Variants in CTSD observed in about 807,000 individuals in gnomAD.
CTSD encodes ceroid-lipofuscinosis, neuronal 10.
A neutral mutation model predicts 43.6 loss-of-function variants in CTSD; 28 were observed. That is an observed-to-expected ratio of 0.64 (90% CI 0.48 to 0.88). The LOEUF is 0.88. Among genes scored for constraint, CTSD ranks in the 40% least tolerant of loss-of-function variants. The probability of loss-of-function intolerance (pLI) is 0.00; values close to 1 mark genes in which losing one functional copy is unlikely to be tolerated. For synonymous variants in CTSD, 270 were observed against 249.8 expected (o/e 1.08, Z -0.76); for missense variants, 485 against 555.2 (o/e 0.87, Z 1.27).
Position 1,754,141 on chromosome 11 carries a change from G to A in CTSD, c.828-3C>T. Reference sequence around the variant, plus strand: ...TCAGCCCGCTGGCCACCTCCACCCTGCGGGGAGTCAGGGCGTGAAGCCCCT... The same window carrying A: ...TCAGCCCGCTGGCCACCTCCACCCTACGGGGAGTCAGGGCGTGAAGCCCCT... On this transcript the variant is annotated splice_polypyrimidine_tract_variant and splice_region_variant and intron_variant, in intron 6 of 8. Coordinates refer to ENST00000236671, the MANE Select transcript of CTSD (RefSeq NM_001909.5). 3 of 1,607,942 alleles carry A rather than the reference G, an allele frequency of 1.9e-6. No individual in the cohort carries two copies. The highest frequency in any genetic ancestry group is 1.7e-6 in the Non-Finnish European group (2 of 1,179,468).
chr11:1,759,623 TC>T lies in CTSD; in HGVS notation c.244del (p.Glu82ArgfsTer51). On this transcript the variant is annotated frameshift_variant, in exon 3 of 9. Transcript: ENST00000236671. LOFTEE classifies it high-confidence loss of function. ...CTGGGGGGGCGTCCCGATGCCAATC[TC>T]CCCGTAGTACTGGGCCTGGCAGGGG... Reference protein sequence around the residue: ...KNYMDAQYYGEIGIGTPPQCF... With the variant: ...KNYMDAQYYGXIGIGTPPQCF... 1 of 1,613,194 alleles carries T rather than the reference TC, an allele frequency of 6.2e-7. No homozygotes were observed. Among genetic ancestry groups the T allele is most frequent in the Non-Finnish European group, 8.5e-7 (1 of 1,179,888 alleles).
intron 3 of CTSD, 52 bp from the exon 4 acceptor site, chr11:1,759,139 G>T (rs554609347): frequency 7.5e-7 from 1 of 1,332,120 alleles, no homozygotes; most frequent in Non-Finnish European, 1.1e-6. Flanking sequence ...CCACGCCACG[G>T]CCTTAGCCCT....
intron 1 of CTSD, chr11:1,761,881 C>T (rs1004053270): frequency 1.2e-4 from 38 of 319,126 alleles, no homozygotes; most frequent in Non-Finnish European, 2.3e-4. Context: ...GTACCTGTCA[C>T]TCCTGCCCAA....
At chr11:1,754,423 G>A (rs1193589806) in intron 6 of CTSD, among the ~76,000 whole-genome samples, 51 of 145,472 alleles carry the variant, frequency 3.5e-4, no homozygotes, top group Non-Finnish European at 6.7e-4. Flanking sequence ...AGGGATGGAG[G>A]GGCATGGAGG....
At chr11:1,761,625 TC>T (rs1565023477) in intron 1 of CTSD, 157 bp from the exon 2 acceptor site, 11 of 799,486 alleles carry the variant, frequency 1.4e-5, no homozygotes, top group South Asian at 1.2e-4. Context: ...CTGGCCCAGC[TC>T]CCCCAAGTCA....
rs1263434464 is a variant in CTSD, at chr11:1,759,647, G to A, written c.229-8C>T. Reference sequence around the variant, plus strand: ...CTCCCCGTAGTACTGGGCCTGGCAGGGGACAGGGTCCGTCAGGGATGGGAG... The same window carrying A: ...CTCCCCGTAGTACTGGGCCTGGCAGAGGACAGGGTCCGTCAGGGATGGGAG... On this transcript the variant is annotated splice_polypyrimidine_tract_variant and splice_region_variant and intron_variant, in intron 2 of 8. Coordinates refer to ENST00000236671, the MANE Select transcript of CTSD (RefSeq NM_001909.5). 3.1e-6 allele frequency: 5 copies of A among 1,611,374 alleles called. No individual in the cohort carries two copies. Among genetic ancestry groups the A allele is most frequent in the Non-Finnish European group, 4.2e-6 (5 of 1,178,614 alleles).
rs1845791938 is a variant in CTSD at position 1,754,938 on chromosome 11, G to A, written c.795C>T (p.Thr265=). 1 of 1,613,838 alleles carries A rather than the reference G, an allele frequency of 6.2e-7. No homozygotes were observed. Among genetic ancestry groups the A allele is most frequent in the African/African-American group, 1.3e-5 (1 of 74,864 alleles). ...GGTGGACCTGCCAGTAGGCCTTGCG[G>A]GTGACATTCAGGTAGGACAGAGAAC... is the stretch of plus-strand genomic sequence containing the variant. The part of the protein sequence containing the change: ...YKGSLSYLNV[T]RKAYWQVHLD... The change falls in exon 6 of 9, where the codon ACC becomes ACT. Residue 265 remains threonine (T), a synonymous_variant. Transcript: ENST00000236671.
At position 1,753,665 on chromosome 11, in the gene CTSD, C is replaced by T. The variant is rs138940129; in HGVS notation, c.1077G>A (p.Ser359=). The change falls in exon 9 of 9, where the codon TCG becomes TCA. Residue 359 remains serine (S), a synonymous_variant. Transcript: ENST00000236671. ...LSPEDYTLKV[S]QAGKTLCLSG... Reference sequence around the variant, plus strand: ...TCAGGCAGAGGGTCTTCCCGGCCTGCGACACCTGGGACGGCCCTGGTGGTC... The same window carrying T: ...TCAGGCAGAGGGTCTTCCCGGCCTGTGACACCTGGGACGGCCCTGGTGGTC... 173 of 1,612,756 alleles carry T rather than the reference C, an allele frequency of 1.1e-4. No homozygotes were observed. The highest frequency in any genetic ancestry group is 1.7e-4 in the Middle Eastern group (1 of 6,060).
At chr11:1,757,298 G>A (rs1342620019) in intron 5 of CTSD, 26 bp downstream of exon 5, 2 of 1,594,964 alleles carry the variant, frequency 1.3e-6, no homozygotes, top group East Asian at 2.2e-5. Flanking sequence ...CAGCAACGCG[G>A]AGCGAGAGGG....
At chr11:1,757,112 C>A (rs1029746833) in intron 5 of CTSD, among the ~76,000 whole-genome samples, 3 of 152,252 alleles carry the variant, frequency 2.0e-5, no homozygotes, top group African/African-American at 7.2e-5. Context: ...CACTGGGAGA[C>A]CCCGGCCAAA....
At chr11:1,763,259 C>T (rs931577620) in intron 1 of CTSD, among the ~76,000 whole-genome samples, 6 of 152,140 alleles carry the variant, frequency 3.9e-5, no homozygotes, top group African/African-American at 1.4e-4. Flanking sequence ...CCTCCTCTCT[C>T]AGGGACATGG....
intron 5 of CTSD, among the ~76,000 whole-genome samples, chr11:1,756,013 T>C (rs375160453): frequency 2.4e-4 from 37 of 152,006 alleles, no homozygotes; most frequent in African/African-American, 8.4e-4. Context: ...CTCACAACCA[T>C]GTGCACCTCC....
chr11:1,759,463 C>T lies in CTSD; in HGVS notation c.352+53G>A, dbSNP rs960464588. On this transcript the variant is annotated intron_variant, in intron 3 of 8. Coordinates refer to ENST00000236671, the MANE Select transcript of CTSD (RefSeq NM_001909.5). ...AGTGATTCCTGAGGCAGCCCTGCAG[C>T]GACATCCCGGAAGGGCAGGACCTGG... The T allele has an allele frequency of 1.6e-5, 25 of 1,608,922 alleles. No individual in the cohort carries two copies. In the African/African-American group the frequency reaches 1.9e-4, roughly 12 times the overall value.
At chr11:1,763,422 C>G in intron 1 of CTSD, 1 of 218,274 alleles carries the variant, frequency 4.6e-6, no homozygotes, top group Non-Finnish European at 9.1e-6. Context: ...TGACCTAGGT[C>G]TCCAGCAACA....
At position 1,761,271 on chromosome 11, in the gene CTSD, T is replaced by C. The variant is rs749656654; in HGVS notation, c.228+38A>G. On this transcript the variant is annotated intron_variant, in intron 2 of 8. Coordinates refer to ENST00000236671, the MANE Select transcript of CTSD (RefSeq NM_001909.5). ...TACTGCCACGGAGCTCTCCTGACAG[T>C]GGCTCCGCTTGCAGCAGGGCTAAGA... 7 of 1,609,704 alleles carry C rather than the reference T, an allele frequency of 4.3e-6. No homozygotes were observed. In the African/African-American group the frequency reaches 8.0e-5, roughly 18 times the overall value.
At chr11:1,761,582 A>G in intron 1 of CTSD, 114 bp from the exon 2 acceptor site, 5 of 1,145,210 alleles carry the variant, frequency 4.4e-6, no homozygotes, top group Non-Finnish European at 6.4e-6. Flanking sequence ...CGCCACAGCC[A>G]AAACCAAACT....
chr11:1,759,926 G>A (rs1048755498), intron 2 of CTSD, among the ~76,000 whole-genome samples: 1 of 152,214 alleles, frequency 6.6e-6, no homozygotes, highest in African/African-American at 2.4e-5. Flanking sequence ...ACTTCCCCAC[G>A]GAAAAGACAA....
chr11:1,761,543 A>G, intron 1 of CTSD, 75 bp from the exon 2 acceptor site: 1 of 1,515,518 alleles, frequency 6.6e-7, no homozygotes, highest in South Asian at 1.1e-5. Context: ...CTGCACATCC[A>G]CCTGGAGGCC....
chr11:1,757,142 G>A (rs1233154144), intron 5 of CTSD, among the ~76,000 whole-genome samples, 182 bp downstream of exon 5: 1 of 152,188 alleles, frequency 6.6e-6, no homozygotes, highest in East Asian at 1.9e-4. Context: ...CTGTGCTGCC[G>A]CTTACTCCTC....
Sources: allele counts gnomAD v4.1 joint callset (sites outside exome capture counted in the v4.1 genomes callset), GRCh38; gene constraint gnomAD v4.1.1; transcripts MANE v1.5; gene names NCBI Gene and HGNC (gene_info 2026-07-23, HGNC 2026-07-21).